The following SESTD1 variants were observed in gnomAD, a reference collection of about 807,000 sequenced individuals.
The protein encoded by SESTD1 is SEC14 domain and spectrin repeat-containing protein 1.
A neutral mutation model predicts 101.7 loss-of-function variants in SESTD1; 43 were observed. That is an observed-to-expected ratio of 0.42 (90% CI 0.33 to 0.55). The LOEUF (loss-of-function observed/expected upper bound fraction) is 0.55, where lower values mean the gene tolerates loss of function less well. SESTD1 is among the 20% of genes least tolerant of loss of function. The pLI, the probability that SESTD1 is intolerant of heterozygous loss-of-function variation, is 0.07. For missense variants in SESTD1, 647 were observed against 815.1 expected (o/e 0.79, Z 2.51); for synonymous variants, 283 against 286.8 (o/e 0.99, Z 0.13).
In SESTD1 at chr2:179,108,249, GT is replaced by G. The variant is rs1341949845; in HGVS notation, c.*1649del. On this transcript the variant is annotated 3_prime_UTR_variant, in exon 18 of 18. Coordinates refer to ENST00000428443, the MANE Select transcript of SESTD1 (RefSeq NM_178123.5). Reference sequence around the variant, plus strand: ...GAGGACAGGATCTGAGAGAGCACATGTTCAGCAGGCACATCTTAAATTAGGG... The same window carrying G: ...GAGGACAGGATCTGAGAGAGCACATGTCAGCAGGCACATCTTAAATTAGGG... The G allele has an allele frequency of 2.0e-5, 3 of 152,152 alleles. No homozygotes were observed. The highest frequency in any genetic ancestry group is 6.5e-5 in the Admixed American group (1 of 15,268). 9.4% of individuals were successfully genotyped at this position (152,152 alleles called of 1,614,324 possible).
At chr2:179,230,588 T>C (rs2046973451) in intron 1 of SESTD1, among the ~76,000 whole-genome samples, 2 of 151,354 alleles carry the variant, frequency 1.3e-5, no homozygotes, top group Admixed American at 6.6e-5. Context: ...AAAACCTTAA[T>C]AAAAGGCACT....
chr2:179,235,476 C>T (rs1383337555), intron 1 of SESTD1, among the ~76,000 whole-genome samples: 1 of 152,184 alleles, frequency 6.6e-6, no homozygotes, highest in East Asian at 1.9e-4. Flanking sequence ...TCATCTGTGA[C>T]AAGCTTTTCT....
In SESTD1 at chr2:179,228,547, C is replaced by T. The variant is rs368226676; in HGVS notation, c.-26+35952G>A. On this transcript the variant is annotated intron_variant, in intron 1 of 17. Coordinates refer to ENST00000428443, the MANE Select transcript of SESTD1 (RefSeq NM_178123.5). ...GGACTCATCCTACATCAGGAAAGAA[C>T]ACAGGCTTCATCTTGAATGCTAACC... is the stretch of plus-strand genomic sequence containing the variant. 1.0e-3 allele frequency among the ~76,000 whole-genome samples: 155 copies of T among 152,262 alleles called. 3 individuals carry two copies. The South Asian group carries it at 0.026, about 26-fold the overall frequency.
intron 9 of SESTD1, among the ~76,000 whole-genome samples, chr2:179,138,682 T>G (rs575342060): frequency 6.6e-6 from 1 of 152,008 alleles, no homozygotes; most frequent in South Asian, 2.1e-4. Context: ...CTGGGAAGCA[T>G]GGTGAAACCC....
chr2:179,104,518 C>T lies in SESTD1; in HGVS notation c.*5381G>A, dbSNP rs1411551378. 2 of 151,880 alleles carry T rather than the reference C, an allele frequency of 1.3e-5. No individual in the cohort carries two copies. Among genetic ancestry groups the T allele is most frequent in the Non-Finnish European group, 2.9e-5 (2 of 68,010 alleles). 9.4% of individuals were successfully genotyped at this position (151,880 alleles called of 1,614,324 possible). On this transcript the variant is annotated 3_prime_UTR_variant, in exon 18 of 18. Transcript: ENST00000428443. ...TACTGTGTTCTGAGTGGAAAGGCAC[C>T]CAGTCATCTCTCATCTCTCCCCCAA...
chr2:179,173,589 T>C (rs1462261839), intron 4 of SESTD1, among the ~76,000 whole-genome samples: 1 of 152,302 alleles, frequency 6.6e-6, no homozygotes, highest in East Asian at 1.9e-4. Flanking sequence ...AAGTCACTTG[T>C]CTAAGATAAC....
Position 179,239,365 on chromosome 2 carries a change from T to C in SESTD1, c.-26+25134A>G, listed in dbSNP as rs925826054. On this transcript the variant is annotated intron_variant, in intron 1 of 17. Transcript: ENST00000428443. ...CTCATAGTTCATATAATGACTCTCCTGGATGAGTCATCTGCAGGAAGTACA... is the reference window on the plus strand; with the variant it reads ...CTCATAGTTCATATAATGACTCTCCCGGATGAGTCATCTGCAGGAAGTACA... Among the ~76,000 whole-genome samples the C allele has an allele frequency of 5.3e-5, 8 of 151,734 alleles. No homozygotes were observed. The East Asian group carries it at 1.5e-3, about 29-fold the overall frequency.
intron 1 of SESTD1, among the ~76,000 whole-genome samples, chr2:179,196,819 A>G (rs1163846258): frequency 2.0e-5 from 3 of 152,256 alleles, no homozygotes; most frequent in Non-Finnish European, 2.9e-5. Context: ...CATCACCATC[A>G]TCAAAGACCA....
intron 1 of SESTD1, among the ~76,000 whole-genome samples, chr2:179,236,987 A>G (rs1185331753): frequency 6.6e-6 from 1 of 152,138 alleles, no homozygotes; most frequent in Non-Finnish European, 1.5e-5. Flanking sequence ...CTATAAAAAT[A>G]TCTAATTAGG....
chr2:179,204,292 T>G (rs2046562997), intron 1 of SESTD1, among the ~76,000 whole-genome samples: 1 of 134,404 alleles, frequency 7.4e-6, no homozygotes, highest in Admixed American at 7.2e-5. Flanking sequence ...GCTATTGCCA[T>G]AAGTAGCTAA....
intron 1 of SESTD1, among the ~76,000 whole-genome samples, chr2:179,196,648 C>A (rs530780789): frequency 6.6e-6 from 1 of 152,298 alleles, no homozygotes; most frequent in South Asian, 2.1e-4. Context: ...GGGTCCCTGA[C>A]CCCTGACCCC....
At chr2:179,141,046 A>G (rs959592157) in intron 9 of SESTD1, among the ~76,000 whole-genome samples, 2 of 152,200 alleles carry the variant, frequency 1.3e-5, no homozygotes, top group African/African-American at 4.8e-5. Context: ...ACAATTTTCA[A>G]TCACATCAAT....
At chr2:179,128,582 A>G (rs2044932981) in intron 10 of SESTD1, among the ~76,000 whole-genome samples, 1 of 152,010 alleles carries the variant, frequency 6.6e-6, no homozygotes, top group Non-Finnish European at 1.5e-5. Context: ...TACAAAAATT[A>G]GCTGGGTGTG....
At chr2:179,126,571 C>T (rs1392522287) in intron 10 of SESTD1, among the ~76,000 whole-genome samples, 2 of 152,078 alleles carry the variant, frequency 1.3e-5, no homozygotes, top group Non-Finnish European at 2.9e-5. Flanking sequence ...CTAAGAATTA[C>T]CAAATTAATA....
chr2:179,239,591 G>A (rs2047119816), intron 1 of SESTD1, among the ~76,000 whole-genome samples: 1 of 152,124 alleles, frequency 6.6e-6, no homozygotes, highest in South Asian at 2.1e-4. Context: ...CAAATCAACT[G>A]AATGACAATC....
At position 179,121,774 on chromosome 2, in the gene SESTD1, G is replaced by C. The variant is rs2044756820; in HGVS notation, c.1438C>G (p.Gln480Glu). 2.6e-6 allele frequency: 4 copies of C among 1,558,884 alleles called. No homozygotes were observed. The highest frequency in any genetic ancestry group is 1.4e-5 in the African/African-American group (1 of 71,964). Residue 480 changes from glutamine to glutamate, a missense_variant, in exon 13 of 18, where the codon CAA becomes GAA. Gln to Glu is a conservative substitution (Grantham distance 29). This residue lies in a region of SESTD1 where 476 missense variants were observed against 562.6 expected (regional missense o/e 0.85). Transcript: ENST00000428443. ...GVMEDMQLRKQRCEDMVDVRR... is the reference protein window; with the variant it reads ...GVMEDMQLRKERCEDMVDVRR... ...TAATTAACGGTCAAACTTTGCCTTT[G>C]TTTTCTAAGCTGCATATCTTCCATC...
intron 7 of SESTD1, 112 bp downstream of exon 7, chr2:179,149,181 TTGAA>T (rs878887759): frequency 6.7e-5 from 45 of 668,252 alleles, no homozygotes; most frequent in African/African-American, 4.6e-4. Flanking sequence ...TCAATTTTGA[TTGAA>T]TGAAGACTTT....
chr2:179,108,624 C>G lies in SESTD1; in HGVS notation c.*1275G>C, dbSNP rs536951074. 1 of 151,146 alleles carries G rather than the reference C, an allele frequency of 6.6e-6. No individual in the cohort carries two copies. The highest frequency in any genetic ancestry group is 2.4e-5 in the African/African-American group (1 of 41,154). The allele number at this position is 151,146 out of a possible 1,614,324, so 9.4% of individuals were successfully genotyped here. A position where few individuals can be genotyped will look rare whatever the true frequency, so the allele number is the denominator to read the frequency against. ...TTTTTTTTTTGCATTGGAAGATACA[C>G]GAGCATGTTTGTAGACCTCAAAAAG... is the stretch of plus-strand genomic sequence containing the variant. On this transcript the variant is annotated 3_prime_UTR_variant, in exon 18 of 18. Coordinates refer to ENST00000428443, the MANE Select transcript of SESTD1 (RefSeq NM_178123.5).
intron 16 of SESTD1, among the ~76,000 whole-genome samples, chr2:179,113,608 C>T (rs369810832): frequency 1.7e-4 from 26 of 152,130 alleles, no homozygotes; most frequent in South Asian, 1.5e-3. Context: ...TACTCATGAA[C>T]GGACATTTTT....
Sources: gnomAD v4.1 joint callset for allele counts (sites outside exome capture counted in the v4.1 genomes callset) on GRCh38, gnomAD v4.1.1 for gene constraint, gnomAD v4.1.1 regional missense constraint, MANE v1.5 for transcripts, NCBI Gene and HGNC (gene_info 2026-07-23, HGNC 2026-07-21) for gene names.